Variants in PIWIL1 observed in about 807,000 individuals in gnomAD.
The protein encoded by PIWIL1 is piwi-like protein 1.
A neutral mutation model predicts 114.4 loss-of-function variants in PIWIL1; 73 were observed. The observed-to-expected ratio is 0.64, with a 90% CI of 0.53 to 0.78. The LOEUF is 0.78. PIWIL1 is among the 30% of genes least tolerant of loss of function. The pLI is 0.00. For missense variants in PIWIL1, 723 were observed against 1,063.1 expected, an observed-to-expected ratio of 0.68 and a Z score of 4.45; for synonymous variants, 375 against 369.0, an observed-to-expected ratio of 1.02 and a Z score of -0.19.
chr12:130,350,842 T>C (rs562915623), intron 9 of PIWIL1, among the ~76,000 whole-genome samples: 1 of 152,294 alleles, frequency 6.6e-6, no homozygotes, highest in Non-Finnish European at 1.5e-5. Flanking sequence ...GCATGGAAAG[T>C]ATGCATCTTA....
chr12:130,396,606 G>GAAAACC, the PIWIL1 span: 2 of 152,662 alleles, frequency 1.3e-5, no homozygotes, highest in African/African-American at 4.8e-5. Flanking sequence ...GAAAGTAACA[G>GAAAACC]AAAACCATAT....
chr12:130,370,362 A>G (rs1312523983), intron 19 of PIWIL1, among the ~76,000 whole-genome samples: 1 of 152,162 alleles, frequency 6.6e-6, no homozygotes, highest in Non-Finnish European at 1.5e-5. Context: ...CTTGGAAAAA[A>G]GTCTGTACTA....
intron 8 of PIWIL1, 42 bp from the exon 9 acceptor site, chr12:130,349,814 C>T (rs2136143609): frequency 8.9e-7 from 1 of 1,120,748 alleles, no homozygotes. Context: ...ATTAGTTCTT[C>T]ACATTTCCAT....
chr12:130,378,337 C>T, the PIWIL1 span, among the ~76,000 whole-genome samples: 11 of 152,280 alleles, frequency 7.2e-5, no homozygotes, highest in South Asian at 4.2e-4. Flanking sequence ...TATTCGACCG[C>T]GTGATGAGTT....
At chr12:130,422,407 A>G in the PIWIL1 span, 305 of 1,370,818 alleles carry the variant, frequency 2.2e-4, 4 homozygotes, top group Middle Eastern at 1.9e-3. This position sits in a 1 kb window ranked among gnomAD's most constrained non-coding sequence, Gnocchi z 5.2. Context: ...AAGCAGCCAC[A>G]TGCTCCGCGG....
intron 18 of PIWIL1, among the ~76,000 whole-genome samples, chr12:130,363,607 TCTCCC>T (rs1354110610): frequency 7.6e-6 from 1 of 132,064 alleles, no homozygotes; most frequent in Admixed American, 8.0e-5. Context: ...AGTTCTACTT[TCTCCC>T]TTTTTTTTTT....
downstream of PIWIL1, among the ~76,000 whole-genome samples, chr12:130,373,553 T>A (rs2073844450): frequency 6.6e-6 from 1 of 152,126 alleles, no homozygotes. Context: ...TCATCCTAGG[T>A]AACACTTCCC....
intron 6 of PIWIL1, 69 bp from the exon 7 acceptor site, chr12:130,348,034 G>T: frequency 1.9e-6 from 2 of 1,056,136 alleles, no homozygotes; most frequent in South Asian, 1.5e-5. Context: ...TGCTCTAAAC[G>T]ACATGCTGTT....
chr12:130,393,814 GGCCAAGT>G, the PIWIL1 span, among the ~76,000 whole-genome samples: 1 of 152,168 alleles, frequency 6.6e-6, no homozygotes, highest in Admixed American at 6.5e-5. Flanking sequence ...AAAGTCACTT[GGCCAAGT>G]GCGTAAGACA....
chr12:130,343,842 C>G (rs951621004), intron 3 of PIWIL1, among the ~76,000 whole-genome samples: 1 of 151,978 alleles, frequency 6.6e-6, no homozygotes, highest in Non-Finnish European at 1.5e-5. Context: ...TTAGCCAGGA[C>G]GGTCTCGATC....
rs116698431 is a variant in PIWIL1, at chr12:130,345,577, G to A, written c.191-176G>A. Reference sequence around the variant, plus strand: ...CCTTTATGAATGAAGTTATAACTAGGAAACCATTCTCTCGTTAGGCTGGCA... The same window carrying A: ...CCTTTATGAATGAAGTTATAACTAGAAAACCATTCTCTCGTTAGGCTGGCA... On this transcript the variant is annotated intron_variant, in intron 3 of 20. Coordinates refer to ENST00000245255, the MANE Select transcript of PIWIL1 (RefSeq NM_004764.5). 1,349 of 610,148 alleles carry A rather than the reference G, an allele frequency of 2.2e-3. 12 individuals carry two copies. The African/African-American group carries it at 0.023, about 11-fold the overall frequency. The allele number at this position is 610,148 out of a possible 1,614,324, so 37.8% of individuals were successfully genotyped here.
At chr12:130,399,685 T>C in the PIWIL1 span, 1 of 1,614,112 alleles carries the variant, frequency 6.2e-7, no homozygotes, top group Non-Finnish European at 8.5e-7. Context: ...TTACCCTTTT[T>C]GCCTTTGAGC....
chr12:130,404,384 A>G, the PIWIL1 span, among the ~76,000 whole-genome samples: 1 of 151,954 alleles, frequency 6.6e-6, no homozygotes, highest in African/African-American at 2.4e-5. Flanking sequence ...CGCAACCTCC[A>G]CCTCCTGGGT....
chr12:130,424,645 C>T, the PIWIL1 span: 19 of 1,231,774 alleles, frequency 1.5e-5, no homozygotes, highest in Middle Eastern at 6.2e-4. This position sits in a 1 kb window ranked among gnomAD's most constrained non-coding sequence, Gnocchi z 9.8. Context: ...GGGGCCTCGT[C>T]GCCCCTGTAG....
chr12:130,422,728 C>T, the PIWIL1 span, among the ~76,000 whole-genome samples: 1 of 152,230 alleles, frequency 6.6e-6, no homozygotes, highest in African/African-American at 2.4e-5. This position sits in a 1 kb window ranked among gnomAD's most constrained non-coding sequence, Gnocchi z 5.2. Context: ...AAGCCGGGCA[C>T]CAGCACCCCA....
the PIWIL1 span, among the ~76,000 whole-genome samples, chr12:130,415,356 A>C: frequency 2.6e-5 from 4 of 152,352 alleles, no homozygotes; most frequent in South Asian, 8.3e-4. Flanking sequence ...ACATCCCTTC[A>C]TGATTAAAAA....
rs1017901056 is a variant in PIWIL1, at chr12:130,363,175, T to C, written c.2195+31T>C. 7 of 1,598,194 alleles carry C rather than the reference T, an allele frequency of 4.4e-6. No homozygotes were observed. In the African/African-American group the frequency reaches 9.4e-5, roughly 21 times the overall value. On this transcript the variant is annotated intron_variant, in intron 18 of 20. Coordinates refer to ENST00000245255, the MANE Select transcript of PIWIL1 (RefSeq NM_004764.5). ...CATGCAAATTGTAAAGCATTTTCTT[T>C]TTATAAAACTGCACCTTTGTATCTT... is the stretch of plus-strand genomic sequence containing the variant.
intron 2 of PIWIL1, 88 bp downstream of exon 2, chr12:130,342,757 GGA>G (rs2072959512): frequency 1.9e-6 from 2 of 1,049,048 alleles, no homozygotes; most frequent in Non-Finnish European, 2.9e-6. Context: ...AACTGTGCTG[GGA>G]AGGATATAGG....
chr12:130,379,156 TG>T, the PIWIL1 span, among the ~76,000 whole-genome samples: 22 of 152,378 alleles, frequency 1.4e-4, no homozygotes, highest in African/African-American at 5.3e-4. Flanking sequence ...TTTAATTCGC[TG>T]TAGGGTGAGA....
Sources: gnomAD v4.1 joint callset for allele counts (sites outside exome capture counted in the v4.1 genomes callset) on GRCh38, gnomAD v4.1.1 for gene constraint, Gnocchi (gnomAD v3.1) non-coding constraint, MANE v1.5 for transcripts, NCBI Gene and HGNC (gene_info 2026-07-23, HGNC 2026-07-21) for gene names.